The following ULK2 variants were observed in gnomAD, a reference collection of about 807,000 sequenced individuals.
ULK2 encodes the protein unc-51 like autophagy activating kinase 2.
Under a neutral mutation model 127.5 loss-of-function variants are expected in ULK2, and 76 were observed. The observed-to-expected ratio is 0.60, with a 90% confidence interval of 0.50 to 0.72. The LOEUF (loss-of-function observed/expected upper bound fraction) is 0.72, where lower values mean the gene tolerates loss of function less well. Among genes scored for constraint, ULK2 ranks in the 30% least tolerant of loss-of-function variants. The probability of loss-of-function intolerance (pLI) is 0.00; values close to 1 mark genes in which losing one functional copy is unlikely to be tolerated. For missense variants in ULK2, 1,144 were observed against 1,295.9 expected (o/e 0.88, Z 1.80); for synonymous variants, 452 against 461.9 (o/e 0.98, Z 0.28).
At chr17:19,853,375 C>T (rs774505180) in intron 3 of ULK2, among the ~76,000 whole-genome samples, 9 of 151,742 alleles carry the variant, frequency 5.9e-5, no homozygotes, top group South Asian at 2.1e-4. Flanking sequence ...TGGACTCAAG[C>T]GATCTGCCCA....
intron 3 of ULK2, among the ~76,000 whole-genome samples, chr17:19,861,653 T>C (rs1410087856): frequency 6.6e-6 from 1 of 152,222 alleles, no homozygotes; most frequent in Non-Finnish European, 1.5e-5. Flanking sequence ...AGAGTTAACA[T>C]TATTTAACAG....
intron 9 of ULK2, among the ~76,000 whole-genome samples, chr17:19,840,715 A>T (rs1453018878): frequency 7.3e-6 from 1 of 136,494 alleles, no homozygotes; most frequent in Non-Finnish European, 1.6e-5. Context: ...CGTGTCCACT[A>T]AAAAAAAAAA....
intron 3 of ULK2, among the ~76,000 whole-genome samples, chr17:19,854,821 G>A (rs550516916): frequency 1.1e-4 from 17 of 152,094 alleles, no homozygotes; most frequent in East Asian, 9.6e-4. Flanking sequence ...AAGACACGGC[G>A]GGGGCATGGT....
In ULK2 at chr17:19,842,564, ATCT is replaced by A. The variant is rs1009043201; in HGVS notation, c.645+554_645+556del. On this transcript the variant is annotated intron_variant, in intron 8 of 26. Coordinates refer to ENST00000395544, the MANE Select transcript of ULK2 (RefSeq NM_014683.4). ...TTTGTTTCAGTTTTCAAATTCGAAGATCTTCTTTGTAACATAAGAAATTATAAC... is the reference window on the plus strand; with the variant it reads ...TTTGTTTCAGTTTTCAAATTCGAAGATCTTTGTAACATAAGAAATTATAAC... Among the ~76,000 whole-genome samples, 15 of 152,198 alleles carry A rather than the reference ATCT, an allele frequency of 9.9e-5. No homozygotes were observed. In the East Asian group the frequency reaches 2.5e-3, roughly 25 times the overall value.
chr17:19,811,735 C>T (rs914380243), intron 13 of ULK2, among the ~76,000 whole-genome samples: 10 of 152,146 alleles, frequency 6.6e-5, no homozygotes, highest in African/African-American at 1.9e-4. Flanking sequence ...AGCCACTGAA[C>T]CTGGCCTCAA....
Position 19,851,326 on chromosome 17 carries a change from C to CAAAAAAA in ULK2, c.226-1559_226-1553dup, listed in dbSNP as rs554643908. Among the ~76,000 whole-genome samples the CAAAAAAA allele has an allele frequency of 4.7e-3, 191 of 41,054 alleles. 7 individuals are homozygous for CAAAAAAA. Among genetic ancestry groups the CAAAAAAA allele is most frequent in the African/African-American group, 0.017 (182 of 10,734 alleles). 26.9% of individuals were successfully genotyped at this position (41,054 alleles called of 152,430 possible). A position where few individuals can be genotyped will look rare whatever the true frequency, so the allele number is the denominator to read the frequency against. On this transcript the variant is annotated intron_variant, in intron 3 of 26. Coordinates refer to ENST00000395544, the MANE Select transcript of ULK2 (RefSeq NM_014683.4). ...TGGGCAACAGAGTGAGACTTCCCCT[C>CAAAAAAA]AAAAAAAAAAAAAAAAAAAAAAAAA... is the stretch of plus-strand genomic sequence containing the variant.
Position 19,781,990 on chromosome 17 carries a change from C to T in ULK2, c.2538G>A (p.Met846Ile). ...FTECVLDLTA[M>I]RGGNPELCTS... ...TGCACAGCTCAGGGTTTCCTCCCCT[C>T]ATGGCTGTCAGGTCCAGCACACACT... is the stretch of plus-strand genomic sequence containing the variant. The change falls in exon 23 of 27, where the codon ATG becomes ATA. Residue 846 changes from methionine (M) to isoleucine (I), a missense_variant. Coordinates refer to ENST00000395544, the MANE Select transcript of ULK2 (RefSeq NM_014683.4). 1 of 1,614,238 alleles carries T rather than the reference C, an allele frequency of 6.2e-7. No homozygotes were observed. Among genetic ancestry groups the T allele is most frequent in the South Asian group, 1.1e-5 (1 of 91,086 alleles).
intron 24 of ULK2, 110 bp from the exon 25 acceptor site, chr17:19,780,739 T>A: frequency 8.0e-7 from 1 of 1,251,172 alleles, no homozygotes; most frequent in African/African-American, 1.5e-5. Context: ...TATGTGATCA[T>A]TCAAAAAAAG....
In ULK2 at chr17:19,785,531, T is replaced by TAA. The variant is rs1045374639; in HGVS notation, c.2251+404_2251+405dup. Among the ~76,000 whole-genome samples the TAA allele has an allele frequency of 7.1e-4, 102 of 142,792 alleles. 1 individual carries two copies. The highest frequency in any genetic ancestry group is 5.2e-3 in the Admixed American group (75 of 14,320). The allele number at this position is 142,792 out of a possible 152,430, so 93.7% of individuals were successfully genotyped here. On this transcript the variant is annotated intron_variant, in intron 21 of 26. Transcript: ENST00000395544. ...CTCACCTAGCCAAAACAAGTTTCTT[T>TAA]AAAAAAAAAAACCAAAAAAAAACCA... is the stretch of plus-strand genomic sequence containing the variant.
chr17:19,794,296 A>G (rs891797810), intron 20 of ULK2, among the ~76,000 whole-genome samples: 4 of 152,222 alleles, frequency 2.6e-5, no homozygotes, highest in Admixed American at 6.5e-5. Flanking sequence ...TGAGCCAACT[A>G]TAAGAGTAGA....
chr17:19,861,410 T>C (rs1393560104), intron 3 of ULK2, among the ~76,000 whole-genome samples: 1 of 151,992 alleles, frequency 6.6e-6, no homozygotes, highest in Non-Finnish European at 1.5e-5. Flanking sequence ...CCGGGTATGA[T>C]GGCGGGCGCC....
chr17:19,781,002 G>T lies in ULK2; in HGVS notation c.2742C>A (p.Ser914=). 6.2e-7 allele frequency: 1 copy of T among 1,614,056 alleles called. No individual in the cohort carries two copies. Among genetic ancestry groups the T allele is most frequent in the South Asian group, 1.1e-5 (1 of 91,068 alleles). ...AQIKSGKLSP[S]TAVKQVVKNL... is the part of the protein sequence containing the mutation. Reference sequence around the variant, plus strand: ...CTCCCATACCTTGTTTCACAGCTGTGGATGGGCTCAGTTTCCCGGACTTGA... The same window carrying T: ...CTCCCATACCTTGTTTCACAGCTGTTGATGGGCTCAGTTTCCCGGACTTGA... The change falls in exon 24 of 27, where the codon TCC becomes TCA. Residue 914 remains serine, a synonymous_variant. Coordinates refer to ENST00000395544, the MANE Select transcript of ULK2 (RefSeq NM_014683.4).
At chr17:19,805,934 C>A (rs969619181) in intron 14 of ULK2, among the ~76,000 whole-genome samples, 1 of 152,180 alleles carries the variant, frequency 6.6e-6, no homozygotes, top group African/African-American at 2.4e-5. Context: ...CCTAATGATA[C>A]GCCATTTAGT....
At chr17:19,804,394 A>C (rs948745292) in intron 15 of ULK2, among the ~76,000 whole-genome samples, 1 of 152,080 alleles carries the variant, frequency 6.6e-6, no homozygotes, top group African/African-American at 2.4e-5. Flanking sequence ...ATTTTTTAAT[A>C]AGTTCTTCCT....
At chr17:19,776,966 T>C (rs961531697) in intron 26 of ULK2, among the ~76,000 whole-genome samples, 1 of 152,222 alleles carries the variant, frequency 6.6e-6, no homozygotes, top group Non-Finnish European at 1.5e-5. Flanking sequence ...GTGCTTTTCA[T>C]GCATCACCTG....
rs547031322 is a variant in ULK2, at chr17:19,774,035, G to A, written c.*2314C>T. ...GGTATAGTTAAAGCAAACCCTTAGA[G>A]CAGGAATAGCTGGTCAGCAATTTTC... On this transcript the variant is annotated 3_prime_UTR_variant, in exon 27 of 27. Coordinates refer to ENST00000395544, the MANE Select transcript of ULK2 (RefSeq NM_014683.4). The A allele has an allele frequency of 9.9e-4, 149 of 151,238 alleles. 1 individual carries two copies. Among genetic ancestry groups the A allele is most frequent in the African/African-American group, 3.4e-3 (140 of 41,112 alleles). 9.4% of individuals were successfully genotyped at this position (151,238 alleles called of 1,614,324 possible).
chr17:19,844,831 C>T (rs1034018311), intron 7 of ULK2, among the ~76,000 whole-genome samples: 4 of 151,970 alleles, frequency 2.6e-5, no homozygotes, highest in African/African-American at 9.7e-5. Flanking sequence ...ATGATGATAT[C>T]TATATGAGAG....
intron 13 of ULK2, among the ~76,000 whole-genome samples, chr17:19,814,499 T>G (rs1247406700): frequency 2.2e-5 from 3 of 139,152 alleles, no homozygotes; most frequent in East Asian, 2.2e-4. Context: ...CAGGCTGGAG[T>G]GCAGTGGCAC....
chr17:19,835,758 T>TAA (rs35188206), intron 10 of ULK2, among the ~76,000 whole-genome samples: 2 of 143,692 alleles, frequency 1.4e-5, no homozygotes, highest in Non-Finnish European at 1.5e-5. Context: ...GAGCAATCAT[T>TAA]AAAAAAAAAA....
Sources: allele counts gnomAD v4.1 joint callset (sites outside exome capture counted in the v4.1 genomes callset), GRCh38; gene constraint gnomAD v4.1.1; transcripts MANE v1.5; gene names NCBI Gene and HGNC (gene_info 2026-07-23, HGNC 2026-07-21).